ATXN2L: variants seen among roughly 807,000 people sequenced by gnomAD.
ATXN2L encodes the protein ataxin 2 like, also known as ataxin-2-like protein.
Under a neutral mutation model 120.7 loss-of-function variants are expected in ATXN2L, and 24 were observed. The ratio of observed to expected loss-of-function variants is 0.20; its 90% confidence interval spans 0.14 to 0.28. The LOEUF is 0.28. Ranked by LOEUF, ATXN2L falls within the 10% of genes least tolerant of loss-of-function variation. ATXN2L has a pLI of 1.00. For missense variants in ATXN2L, 1,312 were observed against 1,432.3 expected (o/e 0.92, Z 1.36); for synonymous variants, 653 against 568.1 (o/e 1.15, Z -2.13).
Position 28,835,352 on chromosome 16 carries a change from A to G in ATXN2L, c.2638A>G (p.Thr880Ala), listed in dbSNP as rs777024288. The change falls in exon 20 of 22, where the codon ACT becomes GCT. Residue 880 changes from threonine to alanine, a missense_variant. Physicochemically the swap from Thr to Ala is moderately conservative, Grantham distance 58. Coordinates refer to ENST00000336783, the MANE Select transcript of ATXN2L (RefSeq NM_007245.4). ...CCAGCCGCAGCCGGCTACCACGCCTACTGGAAGCCAGCCGCAGTCCCAGCA... is the reference window on the plus strand; with the variant it reads ...CCAGCCGCAGCCGGCTACCACGCCTGCTGGAAGCCAGCCGCAGTCCCAGCA... ...AHQPQPATTP[T>A]GSQPQSQHAA... 1.9e-6 allele frequency: 3 copies of G among 1,613,300 alleles called. No homozygotes were observed. Among genetic ancestry groups the G allele is most frequent in the South Asian group, 1.1e-5 (1 of 91,084 alleles).
chr16:28,824,685 T>C, intron 1 of ATXN2L: 1 of 884,844 alleles, frequency 1.1e-6, no homozygotes, highest in Non-Finnish European at 1.5e-6. Flanking sequence ...GCTAGGTAGT[T>C]CCAAAGCTGC....
rs1875963126 is a variant in ATXN2L, at chr16:28,835,949, G to T, written c.2912G>T (p.Gly971Val). The change falls in exon 22 of 22, where the codon GGA becomes GTA. Residue 971 changes from glycine to valine, a missense_variant. Transcript: ENST00000336783. ...TTTCCACAGGCCCATGTCCAAACTG[G>T]AATCACAGCAGCCCCGCCCCCTCAC... is the stretch of plus-strand genomic sequence containing the variant. ...AHVTQAHVQT[G>V]ITAAPPPHPG... 1.9e-6 allele frequency: 3 copies of T among 1,540,314 alleles called. No individual in the cohort carries two copies. Among genetic ancestry groups the T allele is most frequent in the Non-Finnish European group, 2.6e-6 (3 of 1,144,026 alleles).
At position 28,836,940 on chromosome 16, in the gene ATXN2L, G is replaced by T; in HGVS notation, c.*675G>T. ...CCTTGAATGGGAGGGGCCTCACAGA[G>T]GGCAGGGCCAGGGTCCAGCAGGGGT... On this transcript the variant is annotated 3_prime_UTR_variant, in exon 22 of 22. Coordinates refer to ENST00000336783, the MANE Select transcript of ATXN2L (RefSeq NM_007245.4). 1.3e-6 allele frequency: 1 copy of T among 775,120 alleles called. No homozygotes were observed. Among genetic ancestry groups the T allele is most frequent in the Non-Finnish European group, 2.1e-6 (1 of 474,000 alleles). The allele number at this position is 775,120 out of a possible 1,614,324, so 48.0% of individuals were successfully genotyped here.
At chr16:28,824,884 T>C (rs4451951) in intron 1 of ATXN2L, among the ~76,000 whole-genome samples, 52,356 of 151,910 alleles carry the variant, frequency 0.34, 9,686 homozygotes, top group Admixed American at 0.41. Flanking sequence ...ATGTCTATTT[T>C]TTTCTTCCTC....
At position 28,823,536 on chromosome 16, in the gene ATXN2L, G is replaced by A. The variant is rs2050339093; in HGVS notation, c.277G>A (p.Ala93Thr). Residue 93 changes from alanine (A) to threonine (T), a missense_variant, in exon 1 of 22, where the codon GCA becomes ACA. Coordinates refer to ENST00000336783, the MANE Select transcript of ATXN2L (RefSeq NM_007245.4). The part of the protein sequence containing the change: ...PPQQHQERPG[A>T]AAIGSARGQS... ...GCAGCAACACCAGGAGAGGCCGGGG[G>A]CAGCCGCCATCGGCAGCGCCAGGTG... is the stretch of plus-strand genomic sequence containing the variant. 8.7e-6 allele frequency: 12 copies of A among 1,372,208 alleles called. No homozygotes were observed. Among genetic ancestry groups the A allele is most frequent in the South Asian group, 3.3e-5 (2 of 60,808 alleles). The allele number at this position is 1,372,208 out of a possible 1,614,324, so 85.0% of individuals were successfully genotyped here.
At chr16:28,831,108 G>A (rs1168068267) in intron 10 of ATXN2L, 36 bp downstream of exon 10, 2 of 1,392,070 alleles carry the variant, frequency 1.4e-6, no homozygotes, top group Non-Finnish European at 2.0e-6. Context: ...AGAAATGGAT[G>A]GAAATTTGTA....
rs746668123 is a variant in ATXN2L, at chr16:28,826,260, T to C, written c.486T>C (p.Ala162=). The C allele has an allele frequency of 2.5e-6, 4 of 1,614,196 alleles. No individual in the cohort carries two copies. Among genetic ancestry groups the C allele is most frequent in the Admixed American group, 3.3e-5 (2 of 60,022 alleles). The change falls in exon 5 of 22, where the codon GCT becomes GCC. Residue 162 remains alanine (A), a synonymous_variant. Coordinates refer to ENST00000336783, the MANE Select transcript of ATXN2L (RefSeq NM_007245.4). ...TGTAGTTTGAACTAGCCGTGGATGC[T>C]GTGCACCGGAAAGCATCTGAGCCAG... ...LSSKFELAVD[A]VHRKASEPAG...
At chr16:28,832,008 C>G (rs915289945) in intron 10 of ATXN2L, among the ~76,000 whole-genome samples, 197 bp from the exon 11 acceptor site, 1 of 152,216 alleles carries the variant, frequency 6.6e-6, no homozygotes, top group African/African-American at 2.4e-5. Context: ...CCCTGCCACT[C>G]CTTTAAGCAT....
Position 28,830,706 on chromosome 16 carries a change from C to G in ATXN2L, c.1126C>G (p.Leu376Val). ...CSSSRGGRPG[L>V]SSLPPRGPHH... ...CAGCTCTCGGGGCGGTCGGCCTGGC[C>G]TTAGCTCTTTGCCACCTCGTGGCCC... Residue 376 changes from leucine to valine, a missense_variant, in exon 9 of 22, where the codon CTT (leucine) becomes GTT (valine). By Grantham distance (32) the Leu-to-Val change is conservative. Transcript: ENST00000336783. 1 of 1,613,838 alleles carries G rather than the reference C, an allele frequency of 6.2e-7. No individual in the cohort carries two copies. Among genetic ancestry groups the G allele is most frequent in the Non-Finnish European group, 8.5e-7 (1 of 1,179,918 alleles).
chr16:28,832,414 T>C lies in ATXN2L; in HGVS notation c.1516+15T>C. On this transcript the variant is annotated intron_variant, in intron 11 of 21. Coordinates refer to ENST00000336783, the MANE Select transcript of ATXN2L (RefSeq NM_007245.4). ...CCCCACAGATGGTAAGAGCTAGGTG[T>C]TTGAGTGCTGTGAATGCATATTTAG... is the stretch of plus-strand genomic sequence containing the variant. 6.2e-7 allele frequency: 1 copy of C among 1,613,370 alleles called. No homozygotes were observed. Among genetic ancestry groups the C allele is most frequent in the Non-Finnish European group, 8.5e-7 (1 of 1,179,338 alleles).
At chr16:28,826,712 A>G in intron 5 of ATXN2L, 150 bp from the exon 6 acceptor site, 1 of 912,408 alleles carries the variant, frequency 1.1e-6, no homozygotes, top group Non-Finnish European at 1.5e-6. Context: ...TTGCCTCCCC[A>G]CCCCCTGGCC....
At position 28,835,631 on chromosome 16, in the gene ATXN2L, C is replaced by T. The variant is rs1437962513; in HGVS notation, c.2768C>T (p.Pro923Leu). The change falls in exon 21 of 22, where the codon CCG (proline) becomes CTG (leucine). Residue 923 changes from proline to leucine, a missense_variant. Transcript: ENST00000336783. ...CACCCAGGGGCCCTGACAGGCACGCCGCCCTCTCTGCCACCGGGACCTTCT... is the reference window on the plus strand; with the variant it reads ...CACCCAGGGGCCCTGACAGGCACGCTGCCCTCTCTGCCACCGGGACCTTCT... Reference protein sequence around the residue: ...LYHPGALTGTPPSLPPGPSAQ... With the variant: ...LYHPGALTGTLPSLPPGPSAQ... 3.7e-6 allele frequency: 6 copies of T among 1,614,030 alleles called. 1 individual carries two copies. Among genetic ancestry groups the T allele is most frequent in the Non-Finnish European group, 5.1e-6 (6 of 1,179,976 alleles).
In ATXN2L at chr16:28,825,552, C is replaced by T. The variant is rs569752518; in HGVS notation, c.337-72C>T. 5.6e-5 allele frequency: 87 copies of T among 1,551,280 alleles called. No individual in the cohort carries two copies. In the African/African-American group the frequency reaches 9.1e-4, roughly 16 times the overall value. On this transcript the variant is annotated intron_variant, in intron 2 of 21. Coordinates refer to ENST00000336783, the MANE Select transcript of ATXN2L (RefSeq NM_007245.4). ...ACAAGGCAGAATGAGTAGAGTGCGG[C>T]GGGCATTTAGAAAAGAAAATGAGGT...
rs2053752760 is a variant in ATXN2L, at chr16:28,830,063, CTG to C, written c.1034+7_1034+8del. 1.9e-6 allele frequency: 3 copies of C among 1,607,382 alleles called. No homozygotes were observed. The highest frequency in any genetic ancestry group is 2.7e-5 in the African/African-American group (2 of 74,912). On this transcript the variant is annotated splice_donor_region_variant and intron_variant, in intron 8 of 21. Transcript: ENST00000336783. ...GAGCCCCAGCTTGGCATCCAGGTGA[CTG>C]TTGCAAACAGCCAGGACTACTTGGG...
At chr16:28,832,131 G>GT (rs2054722225) in intron 10 of ATXN2L, 74 bp from the exon 11 acceptor site, 1 of 1,517,944 alleles carries the variant, frequency 6.6e-7, no homozygotes, top group South Asian at 1.2e-5. Context: ...CTTTCTTGCT[G>GT]TTTTGAGTAA....
chr16:28,834,943 G>A (rs1364582758), intron 18 of ATXN2L, 115 bp from the exon 19 acceptor site: 2 of 1,383,088 alleles, frequency 1.4e-6, no homozygotes, highest in Admixed American at 2.3e-5. Context: ...TATGAATGTT[G>A]AATCAATAGG....
In ATXN2L at chr16:28,830,715, T is replaced by C; in HGVS notation, c.1135T>C (p.Leu379=). The C allele has an allele frequency of 6.2e-7, 1 of 1,613,778 alleles. No homozygotes were observed. The highest frequency in any genetic ancestry group is 1.3e-5 in the African/African-American group (1 of 74,978). ...SRGGRPGLSS[L]PPRGPHHLDN... ...GGGCGGTCGGCCTGGCCTTAGCTCT[T>C]TGCCACCTCGTGGCCCTCACCATCT... The change falls in exon 9 of 22, where the codon TTG becomes CTG. Residue 379 remains leucine, a synonymous_variant. Transcript: ENST00000336783.
At chr16:28,833,574 G>A in intron 15 of ATXN2L, 66 bp downstream of exon 15, 1 of 1,485,114 alleles carries the variant, frequency 6.7e-7, no homozygotes. Flanking sequence ...GCTTATAGAT[G>A]AATAGGGGGA....
In ATXN2L at chr16:28,823,487, C is replaced by T. The variant is rs888324410; in HGVS notation, c.228C>T (p.Ile76=). 11 of 1,378,648 alleles carry T rather than the reference C, an allele frequency of 8.0e-6. No individual in the cohort carries two copies. The highest frequency in any genetic ancestry group is 1.6e-5 in the South Asian group (1 of 61,412). The allele number at this position is 1,378,648 out of a possible 1,614,324, so 85.4% of individuals were successfully genotyped here. A position where few individuals can be genotyped will look rare whatever the true frequency, so the allele number is the denominator to read the frequency against. Residue 76 remains isoleucine, a synonymous_variant, in exon 1 of 22, where the codon ATC becomes ATT. Transcript: ENST00000336783. The part of the protein sequence containing the change: ...GSGLRRGAEG[I]LAPQPPPPQQ... The stretch of plus-strand genomic sequence containing the variant: ...GGCTCCGCCGGGGAGCCGAAGGCAT[C>T]TTGGCGCCGCAGCCGCCGCCGCCGC...
Sources: allele counts gnomAD v4.1 joint callset (sites outside exome capture counted in the v4.1 genomes callset), GRCh38; gene constraint gnomAD v4.1.1; transcripts MANE v1.5; gene names NCBI Gene and HGNC (gene_info 2026-07-23, HGNC 2026-07-21).